The following MBTPS1 variants were observed in gnomAD, a reference collection of about 807,000 sequenced individuals.
MBTPS1 encodes the protein membrane-bound transcription factor site-1 protease.
In MBTPS1, 94 loss-of-function variants were observed where a neutral mutation model predicts 127.8. That is an observed-to-expected ratio of 0.74 (90% confidence interval 0.62 to 0.87). The LOEUF is 0.87. Ranked by LOEUF, MBTPS1 falls within the 40% of genes least tolerant of loss-of-function variation. The probability of loss-of-function intolerance (pLI) is 0.00; values close to 1 mark genes in which losing one functional copy is unlikely to be tolerated. For missense variants in MBTPS1, 1,636 were observed against 1,353.2 expected (o/e 1.21, Z -3.28); for synonymous variants, 632 against 509.4 (o/e 1.24, Z -3.24).
intron 2 of MBTPS1, among the ~76,000 whole-genome samples, chr16:84,101,197 G>T (rs900983284): frequency 2.0e-5 from 3 of 151,884 alleles, no homozygotes; most frequent in African/African-American, 7.3e-5. Context: ...CTGCTCAGGA[G>T]GCTGAGGCAG....
Position 84,091,486 on chromosome 16 carries a change from CAA to C in MBTPS1, c.963+244_963+245del, listed in dbSNP as rs10714716. The stretch of plus-strand genomic sequence containing the variant: ...GGCCAACAAGAATAAAACTCCATCT[CAA>C]AAAAAAAAAAAAAAAAAAAATCAGC... On this transcript the variant is annotated intron_variant, in intron 7 of 22. Coordinates refer to ENST00000343411, the MANE Select transcript of MBTPS1 (RefSeq NM_003791.4). 9.3e-3 allele frequency among the ~76,000 whole-genome samples: 800 copies of C among 85,618 alleles called. 5 individuals carry two copies. Among genetic ancestry groups the C allele is most frequent in the African/African-American group, 0.031 (658 of 21,146 alleles). 56.2% of individuals were successfully genotyped at this position (85,618 alleles called of 152,430 possible). A position where few individuals can be genotyped will look rare whatever the true frequency, so the allele number is the denominator to read the frequency against.
At chr16:84,065,819 A>G (rs770865328) in intron 17 of MBTPS1, 52 bp from the exon 18 acceptor site, 1 of 1,061,074 alleles carries the variant, frequency 9.4e-7, no homozygotes, top group South Asian at 1.5e-5. Context: ...GAACACTTTA[A>G]TAAATAATAG....
chr16:84,090,016 T>G (rs182156293), intron 8 of MBTPS1, among the ~76,000 whole-genome samples: 1 of 152,326 alleles, frequency 6.6e-6, no homozygotes, highest in East Asian at 1.9e-4. Flanking sequence ...TCCAGAACCC[T>G]GGACCTCTAA....
intron 2 of MBTPS1, among the ~76,000 whole-genome samples, chr16:84,100,439 G>T (rs1223936830): frequency 6.6e-6 from 1 of 152,202 alleles, no homozygotes; most frequent in African/African-American, 2.4e-5. Context: ...AGCTACTCGG[G>T]AGGCTGAGGC....
At position 84,067,710 on chromosome 16, in the gene MBTPS1, T is replaced by C; in HGVS notation, c.2185A>G (p.Thr729Ala). 1 of 1,614,086 alleles carries C rather than the reference T, an allele frequency of 6.2e-7. No individual in the cohort carries two copies. Among genetic ancestry groups the C allele is most frequent in the Non-Finnish European group, 8.5e-7 (1 of 1,179,932 alleles). Residue 729 changes from threonine (T) to alanine (A), a missense_variant, in exon 16 of 23, where the codon ACT becomes GCT. Thr to Ala is a moderately conservative substitution (Grantham distance 58, BLOSUM62 0). Coordinates refer to ENST00000343411, the MANE Select transcript of MBTPS1 (RefSeq NM_003791.4). ...AACTTCACTTTTCTCATAACAGAAG[T>C]GTTGTACCAGTCACTGAAGATGACG... ...SLVIFSDWYN[T>A]SVMRKVKFYD...
In MBTPS1 at chr16:84,101,825, T is replaced by C; in HGVS notation, c.-42A>G. On this transcript the variant is annotated 5_prime_UTR_variant, in exon 2 of 23. Transcript: ENST00000343411. ...GATCATAAAATTGCATATATTCAAA[T>C]CACACTTTTTTCTTCTTGATTAAAA... 1 of 1,564,034 alleles carries C rather than the reference T, an allele frequency of 6.4e-7. No homozygotes were observed. The highest frequency in any genetic ancestry group is 1.4e-5 in the African/African-American group (1 of 73,258).
intron 11 of MBTPS1, among the ~76,000 whole-genome samples, chr16:84,077,796 G>A (rs746342330): frequency 1.3e-5 from 2 of 152,022 alleles, no homozygotes; most frequent in Non-Finnish European, 2.9e-5. Flanking sequence ...TAAGTCAAAA[G>A]ACAACTGACA....
chr16:84,092,892 G>A (rs1485933427), intron 6 of MBTPS1, among the ~76,000 whole-genome samples: 1 of 152,218 alleles, frequency 6.6e-6, no homozygotes, highest in African/African-American at 2.4e-5. Flanking sequence ...CCAGGGTACA[G>A]AGGCCTGGGG....
intron 1 of MBTPS1, among the ~76,000 whole-genome samples, chr16:84,113,702 G>T (rs887433787): frequency 6.6e-6 from 1 of 152,188 alleles, no homozygotes; most frequent in African/African-American, 2.4e-5. Flanking sequence ...GAGTGAAAAT[G>T]ACTTGTATCA....
intron 11 of MBTPS1, among the ~76,000 whole-genome samples, chr16:84,077,086 C>A (rs1471227579): frequency 6.6e-6 from 1 of 151,796 alleles, no homozygotes; most frequent in Non-Finnish European, 1.5e-5. Flanking sequence ...ATTAGCGGGG[C>A]ATGGGGGTAT....
chr16:84,108,529 A>T (rs1260703913), intron 1 of MBTPS1, among the ~76,000 whole-genome samples: 1 of 152,208 alleles, frequency 6.6e-6, no homozygotes, highest in Non-Finnish European at 1.5e-5. Context: ...AGCCTCCCAA[A>T]GTGCTGGGAT....
At chr16:84,064,251 T>C (rs1017548947) in intron 18 of MBTPS1, among the ~76,000 whole-genome samples, 3 of 151,808 alleles carry the variant, frequency 2.0e-5, no homozygotes, top group Admixed American at 6.6e-5. Context: ...AAACGTGACA[T>C]TCCCTGCTCT....
rs1262871740 is a variant in MBTPS1, at chr16:84,085,571, G to GCC, written c.1135-439_1135-438dup. On this transcript the variant is annotated intron_variant, in intron 9 of 22. Coordinates refer to ENST00000343411, the MANE Select transcript of MBTPS1 (RefSeq NM_003791.4). The stretch of plus-strand genomic sequence containing the variant: ...TCCTGTCCCCCTCAGCCCCGCACCC[G>GCC]CCCCCCCCCCAAAAAAAAAGAGAAA... Among the ~76,000 whole-genome samples the GCC allele has an allele frequency of 2.1e-3, 168 of 80,808 alleles. 4 individuals are homozygous for GCC. The highest frequency in any genetic ancestry group is 0.018 in the South Asian group (41 of 2,252). The allele number at this position is 80,808 out of a possible 152,430, so 53.0% of individuals were successfully genotyped here.
rs570181155 is a variant in MBTPS1 at position 84,090,752 on chromosome 16, C to T, written c.1031+123G>A. ...TATTTTTTTACATGAGGAAAACATC[C>T]TTAAGACAAGTTTTAGACAGACATA... is the stretch of plus-strand genomic sequence containing the variant. On this transcript the variant is annotated intron_variant, in intron 8 of 22. Coordinates refer to ENST00000343411, the MANE Select transcript of MBTPS1 (RefSeq NM_003791.4). The T allele has an allele frequency of 1.5e-4, 107 of 734,916 alleles. 2 individuals carry two copies. In the African/African-American group the frequency reaches 1.6e-3, roughly 11 times the overall value. 45.5% of individuals were successfully genotyped at this position (734,916 alleles called of 1,614,324 possible). A position where few individuals can be genotyped will look rare whatever the true frequency, so the allele number is the denominator to read the frequency against.
chr16:84,067,882 C>G, intron 15 of MBTPS1, 59 bp from the exon 16 acceptor site: 1 of 1,527,032 alleles, frequency 6.5e-7, no homozygotes, highest in Admixed American at 1.8e-5. Context: ...GACACCACCA[C>G]GGCAGAAACA....
rs2085640921 is a variant in MBTPS1, at chr16:84,063,373, G to T, written c.2504C>A (p.Ala835Asp). The T allele has an allele frequency of 1.9e-6, 3 of 1,614,082 alleles. No homozygotes were observed. The highest frequency in any genetic ancestry group is 2.5e-6 in the Non-Finnish European group (3 of 1,179,944). Residue 835 changes from alanine to aspartate, a missense_variant, in exon 19 of 23, where the codon GCT becomes GAT. By Grantham distance (126) the Ala-to-Asp change is moderately radical. Transcript: ENST00000343411. ...VPILGLYQIP[A>D]EGGGRIVLYG... is the part of the protein sequence containing the mutation. ...CAGTACAATCCGGCCTCCACCCTCA[G>T]CTGGAATCTGATAAAGTCCCAAAAT...
rs980080910 is a variant in MBTPS1 at position 84,112,376 on chromosome 16, C to T, written c.-325+4359G>A. On this transcript the variant is annotated intron_variant, in intron 1 of 22. Coordinates refer to ENST00000343411, the MANE Select transcript of MBTPS1 (RefSeq NM_003791.4). ...AAACATATTTTAGTATTTTTAAAAA[C>T]TTTTCAAATAAATTGGTTCACTCCT... Among the ~76,000 whole-genome samples, 143 of 152,146 alleles carry T rather than the reference C, an allele frequency of 9.4e-4. 2 individuals carry two copies. The highest frequency in any genetic ancestry group is 2.5e-3 in the Admixed American group (38 of 15,284).
intron 1 of MBTPS1, among the ~76,000 whole-genome samples, chr16:84,115,473 TTA>T (rs1326953528): frequency 7.2e-5 from 11 of 152,210 alleles, no homozygotes; most frequent in Non-Finnish European, 2.9e-5. Flanking sequence ...AAATAAACTT[TTA>T]TTTGTCAAAA....
In MBTPS1 at chr16:84,081,772, G is replaced by C. The variant is rs944428556; in HGVS notation, c.1423C>G (p.Leu475Val). 1.4e-6 allele frequency: 2 copies of C among 1,447,060 alleles called. No homozygotes were observed. Among genetic ancestry groups the C allele is most frequent in the Non-Finnish European group, 9.2e-7 (1 of 1,092,146 alleles). The allele number at this position is 1,447,060 out of a possible 1,614,324, so 89.6% of individuals were successfully genotyped here. Residue 475 changes from leucine (L) to valine (V), a missense_variant, in exon 11 of 23, where the codon CTC (leucine) becomes GTC (valine). Transcript: ENST00000343411. ...KLDLLRAYQI[L>V]NSYKPQASLS... Reference sequence around the variant, plus strand: ...CTTGCCTGTGGCTTGTAGCTGTTGAGGATCTGATAGGCTCTGAGCAGATCG... The same window carrying C: ...CTTGCCTGTGGCTTGTAGCTGTTGACGATCTGATAGGCTCTGAGCAGATCG...
Sources: allele counts gnomAD v4.1 joint callset (sites outside exome capture counted in the v4.1 genomes callset), GRCh38; gene constraint gnomAD v4.1.1; transcripts MANE v1.5; gene names NCBI Gene and HGNC (gene_info 2026-07-23, HGNC 2026-07-21).